The following PDE7B variants were observed in gnomAD, a reference collection of about 807,000 sequenced individuals.
PDE7B encodes 3',5'-cyclic-AMP phosphodiesterase 7B.
Under a neutral mutation model 56.2 loss-of-function variants are expected in PDE7B, and 29 were observed. The ratio of observed to expected loss-of-function variants is 0.52; its 90% CI spans 0.38 to 0.70. PDE7B has a LOEUF of 0.70. Ranked by LOEUF, PDE7B falls within the 30% of genes least tolerant of loss-of-function variation. The probability of loss-of-function intolerance (pLI) is 0.00; values close to 1 mark genes in which losing one functional copy is unlikely to be tolerated. For synonymous variants in PDE7B, 197 were observed against 196.9 expected (o/e 1.00, Z 0.00); for missense variants, 490 against 565.0 (o/e 0.87, Z 1.35).
chr6:136,186,536 G>A (rs1435422029), intron 11 of PDE7B, among the ~76,000 whole-genome samples: 1 of 152,144 alleles, frequency 6.6e-6, no homozygotes, highest in Non-Finnish European at 1.5e-5. Flanking sequence ...TAATTTTGTG[G>A]TTACAGAGTG....
intron 1 of PDE7B, among the ~76,000 whole-genome samples, chr6:135,931,288 CT>C (rs1259575786): frequency 6.6e-6 from 1 of 152,160 alleles, no homozygotes; most frequent in African/African-American, 2.4e-5. Flanking sequence ...CCTAAGTGAT[CT>C]CTGTAAAATA....
intron 2 of PDE7B, among the ~76,000 whole-genome samples, chr6:136,081,005 C>A (rs1777198649): frequency 6.6e-6 from 1 of 151,998 alleles, no homozygotes; most frequent in South Asian, 2.1e-4. Flanking sequence ...TAGAAATATC[C>A]CAGCATAATG....
rs187582009 is a variant in PDE7B at position 135,902,765 on chromosome 6, T to C, written c.22-44699T>C. Among the ~76,000 whole-genome samples, 29 of 152,286 alleles carry C rather than the reference T, an allele frequency of 1.9e-4. 1 individual carries two copies. The East Asian group carries it at 5.6e-3, about 29-fold the overall frequency. ...ATAACTGGTGTTTTGTTAGCTCAGC[T>C]TTTCACAAATAAGTCAAATAGTTCT... On this transcript the variant is annotated intron_variant, in intron 1 of 12. Coordinates refer to ENST00000308191, the MANE Select transcript of PDE7B (RefSeq NM_018945.4).
intron 5 of PDE7B, among the ~76,000 whole-genome samples, chr6:136,149,846 T>C (rs1778481866): frequency 6.6e-6 from 1 of 152,204 alleles, no homozygotes; most frequent in Non-Finnish European, 1.5e-5. Context: ...TTATATATGG[T>C]TTTCTCATCA....
rs1480244513 is a variant in PDE7B at position 136,194,270 on chromosome 6, T to TATA, written c.*2433_*2435dup. The stretch of plus-strand genomic sequence containing the variant: ...GACTAAAAAATGGCTTTGTTTAAAT[T>TATA]ATAATTATATAATAATTTAAATAAA... On this transcript the variant is annotated 3_prime_UTR_variant, in exon 13 of 13. Transcript: ENST00000308191. 1 of 152,090 alleles carries TATA rather than the reference T, an allele frequency of 6.6e-6. No homozygotes were observed. The highest frequency in any genetic ancestry group is 1.5e-5 in the Non-Finnish European group (1 of 68,034). The allele number at this position is 152,090 out of a possible 1,614,324, so 9.4% of individuals were successfully genotyped here. A position where few individuals can be genotyped will look rare whatever the true frequency, so the allele number is the denominator to read the frequency against.
At chr6:135,986,848 G>C (rs950734219) in intron 2 of PDE7B, among the ~76,000 whole-genome samples, 1 of 152,166 alleles carries the variant, frequency 6.6e-6, no homozygotes, top group African/African-American at 2.4e-5. Context: ...ACAATGTTTT[G>C]AGAAGAGACT....
chr6:135,957,221 G>A (rs932120918), intron 2 of PDE7B, among the ~76,000 whole-genome samples: 8 of 152,080 alleles, frequency 5.3e-5, no homozygotes, highest in African/African-American at 1.7e-4. Context: ...AGGAAATATG[G>A]TGTTCTGATG....
rs1266387056 is a variant in PDE7B, at chr6:136,193,692, C to G, written c.*1852C>G. 1 of 152,232 alleles carries G rather than the reference C, an allele frequency of 6.6e-6. No homozygotes were observed. Among genetic ancestry groups the G allele is most frequent in the Non-Finnish European group, 1.5e-5 (1 of 68,046 alleles). The allele number at this position is 152,232 out of a possible 1,614,324, so 9.4% of individuals were successfully genotyped here. On this transcript the variant is annotated 3_prime_UTR_variant, in exon 13 of 13. Coordinates refer to ENST00000308191, the MANE Select transcript of PDE7B (RefSeq NM_018945.4). ...CCTGATCCTCATGCTGATAGAATGA[C>G]AGCTAGCACTTATTTCCTAAGTGCA...
chr6:136,151,318 T>A, intron 6 of PDE7B, 63 bp downstream of exon 6: 1 of 821,314 alleles, frequency 1.2e-6, no homozygotes, highest in South Asian at 1.4e-5. Flanking sequence ...CATAATACTC[T>A]TTAATATAAA....
intron 1 of PDE7B, among the ~76,000 whole-genome samples, chr6:135,870,925 A>G (rs1336923048): frequency 6.6e-6 from 1 of 151,984 alleles, no homozygotes; most frequent in African/African-American, 2.4e-5. Context: ...ATGCATCCAC[A>G]TCTGGTTTTC....
chr6:136,010,539 G>T (rs1202039764), intron 2 of PDE7B, among the ~76,000 whole-genome samples: 1 of 151,964 alleles, frequency 6.6e-6, no homozygotes, highest in South Asian at 2.1e-4. Context: ...CCGAGTAGCT[G>T]GGATTACAAG....
At chr6:135,997,413 CAAAAAAAAAAAAAAAAAAAA>C (rs59388049) in intron 2 of PDE7B, among the ~76,000 whole-genome samples, 9 of 10,706 alleles carry the variant, frequency 8.4e-4, no homozygotes, top group South Asian at 7.2e-3. Flanking sequence ...GACCCTGTCT[CAAAAAAAAAAAAAAAAAAAA>C]AAAAAAAAAA....
intron 1 of PDE7B, among the ~76,000 whole-genome samples, chr6:135,925,310 T>C (rs1210958395): frequency 6.6e-6 from 1 of 152,170 alleles, no homozygotes; most frequent in East Asian, 1.9e-4. Context: ...GTTCAACTTG[T>C]CAGTTGAAAT....
intron 8 of PDE7B, among the ~76,000 whole-genome samples, chr6:136,158,523 C>G (rs1778649041): frequency 6.6e-6 from 1 of 152,280 alleles, no homozygotes; most frequent in African/African-American, 2.4e-5. Context: ...CTTCCTCTCC[C>G]TCCTTCTGTT....
At chr6:136,042,319 C>G (rs558195671) in intron 2 of PDE7B, among the ~76,000 whole-genome samples, 3 of 152,186 alleles carry the variant, frequency 2.0e-5, no homozygotes, top group African/African-American at 7.2e-5. Flanking sequence ...AATTATAATT[C>G]TAGTCAGCAA....
At chr6:135,954,888 C>T (rs1774761928) in intron 2 of PDE7B, among the ~76,000 whole-genome samples, 1 of 152,104 alleles carries the variant, frequency 6.6e-6, no homozygotes, top group African/African-American at 2.4e-5. Flanking sequence ...AGCAACAGAA[C>T]ACCTCATTTT....
intron 2 of PDE7B, among the ~76,000 whole-genome samples, chr6:136,093,201 T>C (rs1475198166): frequency 6.6e-6 from 1 of 152,198 alleles, no homozygotes; most frequent in Non-Finnish European, 1.5e-5. Context: ...GTCAGGGGTA[T>C]GTTTAATGCA....
At chr6:136,006,844 T>A (rs755440744) in intron 2 of PDE7B, among the ~76,000 whole-genome samples, 1 of 152,206 alleles carries the variant, frequency 6.6e-6, no homozygotes, top group Non-Finnish European at 1.5e-5. Flanking sequence ...TAGAGAATCA[T>A]GTTGTCTGCA....
chr6:136,089,557 C>A (rs1777351936), intron 2 of PDE7B, among the ~76,000 whole-genome samples: 1 of 152,038 alleles, frequency 6.6e-6, no homozygotes, highest in Admixed American at 6.6e-5. Context: ...TTGCATAAAA[C>A]CAAGTAAATG....
Sources: allele counts gnomAD v4.1 joint callset (sites outside exome capture counted in the v4.1 genomes callset), GRCh38; gene constraint gnomAD v4.1.1; transcripts MANE v1.5; gene names NCBI Gene and HGNC (gene_info 2026-07-23, HGNC 2026-07-21).